IGSF21: variants seen among roughly 807,000 people sequenced by gnomAD.
IGSF21 encodes the protein immunoglobulin superfamily member 21.
Under a neutral mutation model 46.8 loss-of-function variants are expected in IGSF21, and 28 were observed. That is an observed-to-expected ratio of 0.60 (90% CI 0.44 to 0.82). IGSF21 has a LOEUF of 0.82. Ranked by LOEUF, IGSF21 falls within the 40% of genes least tolerant of loss-of-function variation. IGSF21 has a pLI of 0.00. For missense variants in IGSF21, 624 were observed against 665.5 expected (o/e 0.94, Z 0.69); for synonymous variants, 284 against 273.6 (o/e 1.04, Z -0.38).
At chr1:18,240,481 A>G (rs2084716105) in intron 2 of IGSF21, among the ~76,000 whole-genome samples, 2 of 152,186 alleles carry the variant, frequency 1.3e-5, no homozygotes, top group Admixed American at 1.3e-4. Context: ...GATGAACTGT[A>G]ATAGTTGAAT....
At chr1:18,152,297 G>A (rs1264090905) in intron 1 of IGSF21, among the ~76,000 whole-genome samples, 1 of 152,184 alleles carries the variant, frequency 6.6e-6, no homozygotes, top group Non-Finnish European at 1.5e-5. Context: ...TCTGGAGGTG[G>A]CTTCAAGGTT....
rs1347212587 is a variant in IGSF21, at chr1:18,336,657, A to G, written c.424+1647A>G. Among the ~76,000 whole-genome samples the G allele has an allele frequency of 2.0e-5, 3 of 152,150 alleles. No individual in the cohort carries two copies. The South Asian group carries it at 6.2e-4, about 32-fold the overall frequency. On this transcript the variant is annotated intron_variant, in intron 4 of 9. Transcript: ENST00000251296. ...CAGAGTCCTTAAAAACCATCCCTCCATGAGGCCCACACTTCCTATTACTTC... is the reference window on the plus strand; with the variant it reads ...CAGAGTCCTTAAAAACCATCCCTCCGTGAGGCCCACACTTCCTATTACTTC...
intron 2 of IGSF21, among the ~76,000 whole-genome samples, chr1:18,262,072 C>T (rs1434282143): frequency 2.0e-5 from 3 of 152,198 alleles, no homozygotes; most frequent in African/African-American, 4.8e-5. Flanking sequence ...GAGTCTGATT[C>T]AGCAGGTCTG....
chr1:18,226,400 G>A (rs995057933), intron 1 of IGSF21, among the ~76,000 whole-genome samples: 1 of 152,198 alleles, frequency 6.6e-6, no homozygotes, highest in Non-Finnish European at 1.5e-5. Context: ...AACTGGGGTT[G>A]AGTAAATGAG....
intron 1 of IGSF21, chr1:18,113,684 C>T (rs1278068273): frequency 8.3e-6 from 1 of 120,582 alleles, no homozygotes; most frequent in Non-Finnish European, 1.6e-5. Flanking sequence ...CCAAGATGGG[C>T]CCTGGAATCT....
chr1:18,254,419 G>T (rs904394086), intron 2 of IGSF21, among the ~76,000 whole-genome samples: 3 of 152,002 alleles, frequency 2.0e-5, no homozygotes, highest in African/African-American at 7.3e-5. Flanking sequence ...CACATTCACT[G>T]GATCTAGGTA....
chr1:18,134,041 T>A (rs2086346484), intron 1 of IGSF21, among the ~76,000 whole-genome samples: 1 of 152,158 alleles, frequency 6.6e-6, no homozygotes, highest in South Asian at 2.1e-4. Flanking sequence ...GTGAGCAGCA[T>A]GGGGAGGTTC....
intron 4 of IGSF21, among the ~76,000 whole-genome samples, chr1:18,355,612 T>TA (rs5772806): frequency 0.031 from 4,642 of 147,602 alleles, 120 homozygotes; most frequent in Admixed American, 0.07. Context: ...TAAGGCACAG[T>TA]AAAAAAAAAA....
At chr1:18,370,718 C>A (rs533551596) in intron 6 of IGSF21, among the ~76,000 whole-genome samples, 1 of 152,076 alleles carries the variant, frequency 6.6e-6, no homozygotes, top group East Asian at 1.9e-4. Context: ...TCTGACAAAG[C>A]ATTTGTAACC....
chr1:18,273,399 CCTT>C, intron 2 of IGSF21, among the ~76,000 whole-genome samples: 1 of 147,220 alleles, frequency 6.8e-6, no homozygotes, highest in South Asian at 2.2e-4. Flanking sequence ...CCTTTCCTTT[CCTT>C]TCCTTTCCTT....
chr1:18,292,019 G>A, intron 3 of IGSF21, 32 bp downstream of exon 3: 1 of 1,606,764 alleles, frequency 6.2e-7, no homozygotes, highest in East Asian at 2.2e-5. Context: ...GCCGACAGCG[G>A]GGGAAGGGCG....
chr1:18,165,525 C>G (rs751685629), intron 1 of IGSF21, among the ~76,000 whole-genome samples: 30 of 152,158 alleles, frequency 2.0e-4, no homozygotes, highest in Non-Finnish European at 3.7e-4. Context: ...TCTGAGGTCC[C>G]GGGGATTAGG....
chr1:18,233,851 A>G (rs1012723042), intron 2 of IGSF21, among the ~76,000 whole-genome samples: 10 of 152,174 alleles, frequency 6.6e-5, no homozygotes, highest in African/African-American at 2.4e-4. Context: ...CAGTTAAGCC[A>G]TTTCAATGGA....
chr1:18,283,732 G>A (rs759027577), intron 2 of IGSF21, among the ~76,000 whole-genome samples: 3 of 151,856 alleles, frequency 2.0e-5, no homozygotes, highest in African/African-American at 7.3e-5. Flanking sequence ...CCCCCTGCCC[G>A]AAACTAAAGC....
intron 4 of IGSF21, among the ~76,000 whole-genome samples, chr1:18,354,153 C>T (rs1411504958): frequency 6.6e-6 from 1 of 152,140 alleles, no homozygotes; most frequent in Non-Finnish European, 1.5e-5. Flanking sequence ...TCTGGAAAAA[C>T]CTGGGAAGGC....
intron 1 of IGSF21, among the ~76,000 whole-genome samples, chr1:18,188,259 A>T (rs1229960923): frequency 6.6e-6 from 1 of 152,246 alleles, no homozygotes; most frequent in African/African-American, 2.4e-5. Flanking sequence ...CTCTGGGATT[A>T]GATCCCCTGC....
rs2085749429 is a variant in IGSF21 at position 18,334,818 on chromosome 1, G to A, written c.306-74G>A. ...TGGAGGCTGCACCAGTGGGCATCAG[G>A]ATGAGTTTCCTTGAACGCTGCCTCA... On this transcript the variant is annotated intron_variant, in intron 3 of 9. Transcript: ENST00000251296. The surrounding 1 kb of genome is among the most constrained non-coding windows in gnomAD (Gnocchi z 4.3). 9.3e-7 allele frequency: 1 copy of A among 1,073,918 alleles called. No individual in the cohort carries two copies. The highest frequency in any genetic ancestry group is 1.5e-5 in the African/African-American group (1 of 64,708). The allele number at this position is 1,073,918 out of a possible 1,614,324, so 66.5% of individuals were successfully genotyped here. A position where few individuals can be genotyped will look rare whatever the true frequency, so the allele number is the denominator to read the frequency against.
rs16861847 is a variant in IGSF21, at chr1:18,365,832, A to G, written c.1015+135A>G. On this transcript the variant is annotated intron_variant, in intron 6 of 9. Coordinates refer to ENST00000251296, the MANE Select transcript of IGSF21 (RefSeq NM_032880.5). This position sits in a 1 kb window ranked among gnomAD's most constrained non-coding sequence, Gnocchi z 4.8. ...GGAGCAAACTGGAGTCAGGATGAGCACAAATGGTAGAGTCAGGTTCTTAGG... is the reference window on the plus strand; with the variant it reads ...GGAGCAAACTGGAGTCAGGATGAGCGCAAATGGTAGAGTCAGGTTCTTAGG... 4,763 of 725,058 alleles carry G rather than the reference A, an allele frequency of 6.6e-3. 162 individuals carry two copies. In the African/African-American group the frequency reaches 0.074, roughly 11 times the overall value. The allele number at this position is 725,058 out of a possible 1,614,324, so 44.9% of individuals were successfully genotyped here. A position where few individuals can be genotyped will look rare whatever the true frequency, so the allele number is the denominator to read the frequency against.
chr1:18,309,949 G>A (rs1329676772), intron 3 of IGSF21, among the ~76,000 whole-genome samples: 5 of 152,178 alleles, frequency 3.3e-5, no homozygotes, highest in East Asian at 3.9e-4. Flanking sequence ...ACGAGGCCCT[G>A]GGGGGTGCAT....
Sources: gnomAD v4.1 joint callset for allele counts (sites outside exome capture counted in the v4.1 genomes callset) on GRCh38, gnomAD v4.1.1 for gene constraint, Gnocchi (gnomAD v3.1) non-coding constraint, MANE v1.5 for transcripts, NCBI Gene and HGNC (gene_info 2026-07-23, HGNC 2026-07-21) for gene names.